Variants in SPECC1 observed in about 807,000 individuals in gnomAD.
SPECC1 encodes the protein sperm antigen with calponin homology and coiled-coil domains 1.
Under a neutral mutation model 104.1 loss-of-function variants are expected in SPECC1, and 62 were observed. That is an observed-to-expected ratio of 0.60 (90% confidence interval 0.49 to 0.74). SPECC1 has a LOEUF of 0.74. SPECC1 is among the 30% of genes least tolerant of loss of function. SPECC1 has a pLI of 0.00. For synonymous variants in SPECC1, 513 were observed against 501.6 expected, an observed-to-expected ratio of 1.02 and a Z score of -0.30; for missense variants, 1,306 against 1,310.5, an observed-to-expected ratio of 1.00 and a Z score of 0.05.
In SPECC1 at chr17:20,318,100, T is replaced by G. The variant is rs1431457797; in HGVS notation, c.*4035T>G. 1 of 231,190 alleles carries G rather than the reference T, an allele frequency of 4.3e-6. No homozygotes were observed. Among genetic ancestry groups the G allele is most frequent in the East Asian group, 6.1e-5 (1 of 16,332 alleles). 14.3% of individuals were successfully genotyped at this position (231,190 alleles called of 1,614,324 possible). A position where few individuals can be genotyped will look rare whatever the true frequency, so the allele number is the denominator to read the frequency against. On this transcript the variant is annotated 3_prime_UTR_variant, in exon 15 of 15. Coordinates refer to ENST00000395527, the MANE Select transcript of SPECC1 (RefSeq NM_001243439.2). ...CACAACAGCCACATTTCTTTCCATC[T>G]TCCCTCAGCCAGTAGTCATTTAAAA...
intron 3 of SPECC1, among the ~76,000 whole-genome samples, chr17:20,177,337 T>C (rs994685453): frequency 9.9e-5 from 15 of 152,190 alleles, no homozygotes; most frequent in Admixed American, 9.8e-4. Context: ...CCAGTGGAGT[T>C]GTTTTGGTGG....
chr17:20,080,737 C>G (rs2046937135), intron 1 of SPECC1, among the ~76,000 whole-genome samples: 1 of 152,212 alleles, frequency 6.6e-6, no homozygotes, highest in Middle Eastern at 3.4e-3. Context: ...CCTGTGCTGC[C>G]TGCGAGCCCT....
intron 2 of SPECC1, among the ~76,000 whole-genome samples, chr17:20,107,144 CAAAAAAA>C (rs531912350): frequency 0.4 from 27,090 of 66,894 alleles, 2,698 homozygotes; most frequent in Middle Eastern, 0.55. Context: ...ACTCGTGTCT[CAAAAAAA>C]AAAAAAAAAA....
intron 2 of SPECC1, among the ~76,000 whole-genome samples, chr17:20,100,727 C>A (rs919491018): frequency 6.6e-6 from 1 of 152,018 alleles, no homozygotes; most frequent in African/African-American, 2.4e-5. Context: ...ATAAATGTGC[C>A]ATGGTGCTTT....
intron 13 of SPECC1, among the ~76,000 whole-genome samples, chr17:20,303,469 C>CT (rs1292992117): frequency 6.6e-6 from 1 of 152,098 alleles, no homozygotes; most frequent in East Asian, 1.9e-4. Flanking sequence ...AATGTGGTGG[C>CT]TACATCTTTC....
At chr17:20,133,566 TTACATA>T (rs1283982393) in intron 3 of SPECC1, among the ~76,000 whole-genome samples, 1 of 152,182 alleles carries the variant, frequency 6.6e-6, no homozygotes, top group East Asian at 1.9e-4. Context: ...ATGTCTAGAT[TTACATA>T]TACATAAATT....
chr17:20,245,905 G>C (rs1438605346), intron 7 of SPECC1, 21 bp from the exon 8 acceptor site: 11 of 1,613,236 alleles, frequency 6.8e-6, no homozygotes, highest in Non-Finnish European at 9.3e-6. Flanking sequence ...TTTTCAATCT[G>C]ATTTGCTCTT....
chr17:20,030,417 A>T (rs992809080), intron 1 of SPECC1, among the ~76,000 whole-genome samples: 1 of 151,744 alleles, frequency 6.6e-6, no homozygotes, highest in Non-Finnish European at 1.5e-5. Context: ...TTATTTTTAA[A>T]TTTTTTAAAA....
rs2036736311 is a variant in SPECC1, at chr17:20,205,757, G to C, written c.1708G>C (p.Ala570Pro). 7 of 1,614,216 alleles carry C rather than the reference G, an allele frequency of 4.3e-6. No individual in the cohort carries two copies. Among genetic ancestry groups the C allele is most frequent in the Non-Finnish European group, 5.9e-6 (7 of 1,180,036 alleles). ...GEKQKATEAS[A>P]VEQTAESCEV... is the part of the protein sequence containing the mutation. ...GAAGCAGAAAGCCACAGAGGCCAGT[G>C]CTGTGGAGCAGACGGCAGAGAGCTG... The change falls in exon 4 of 15, where the codon GCT (alanine) becomes CCT (proline). Residue 570 changes from alanine (A) to proline (P), a missense_variant. Ala to Pro is a conservative substitution (Grantham distance 27). Transcript: ENST00000395527.
rs75231452 is a variant in SPECC1 at position 20,189,828 on chromosome 17, A to G, written c.284-14505A>G. ...GGAGTGTGAGGAAAATTAATTTTGCATTCTTCCCAAAAAAAGTAAAATGGA... is the reference window on the plus strand; with the variant it reads ...GGAGTGTGAGGAAAATTAATTTTGCGTTCTTCCCAAAAAAAGTAAAATGGA... On this transcript the variant is annotated intron_variant, in intron 3 of 14. Transcript: ENST00000395527. Among the ~76,000 whole-genome samples, 10 of 152,298 alleles carry G rather than the reference A, an allele frequency of 6.6e-5. No homozygotes were observed. The East Asian group carries it at 1.5e-3, about 24-fold the overall frequency.
intron 14 of SPECC1, among the ~76,000 whole-genome samples, chr17:20,313,602 A>T (rs567417862): frequency 1.4e-4 from 21 of 152,372 alleles, no homozygotes; most frequent in Non-Finnish European, 2.4e-4. Flanking sequence ...TAGCGCGTGC[A>T]GTGTGCTGGG....
At chr17:20,051,692 T>C (rs1180770350) in intron 1 of SPECC1, among the ~76,000 whole-genome samples, 1 of 152,330 alleles carries the variant, frequency 6.6e-6, no homozygotes, top group South Asian at 2.1e-4. Context: ...GATCTTGCTT[T>C]TATTGAGTTT....
chr17:20,042,699 TG>T (rs1390455212), intron 1 of SPECC1, among the ~76,000 whole-genome samples: 1 of 152,214 alleles, frequency 6.6e-6, no homozygotes, highest in African/African-American at 2.4e-5. Flanking sequence ...GTCTCCTTCC[TG>T]GTCCTTTGGC....
intron 3 of SPECC1, chr17:20,155,834 A>C (rs2032423405): frequency 3.5e-6 from 3 of 845,474 alleles, no homozygotes; most frequent in Middle Eastern, 5.1e-4. Context: ...CGTCCCGCCC[A>C]CGGCGCGGGG....
chr17:20,039,647 C>T (rs533868989), intron 1 of SPECC1, among the ~76,000 whole-genome samples: 6 of 152,164 alleles, frequency 3.9e-5, no homozygotes, highest in East Asian at 1.9e-4. Context: ...CTCTGCTGCC[C>T]GGGTTCAAGC....
intron 4 of SPECC1, among the ~76,000 whole-genome samples, chr17:20,208,669 C>T (rs971260424): frequency 6.6e-5 from 10 of 152,148 alleles, no homozygotes; most frequent in African/African-American, 2.4e-4. Flanking sequence ...AGAAGCGTGA[C>T]GGTGGATGGA....
At chr17:20,239,095 C>T (rs1598063029) in intron 7 of SPECC1, 2 of 1,031,674 alleles carry the variant, frequency 1.9e-6, no homozygotes, top group African/African-American at 3.4e-5. Context: ...AACAAAAGGG[C>T]ATGGAGTAAA....
At chr17:20,311,216 A>T (rs2041922280) in intron 14 of SPECC1, among the ~76,000 whole-genome samples, 1 of 149,838 alleles carries the variant, frequency 6.7e-6, no homozygotes, top group African/African-American at 2.5e-5. Context: ...CTGACCTTGT[A>T]TCCTGAGACT....
At chr17:20,189,390 A>G (rs1000183843) in intron 3 of SPECC1, among the ~76,000 whole-genome samples, 3 of 152,190 alleles carry the variant, frequency 2.0e-5, no homozygotes, top group Non-Finnish European at 2.9e-5. Flanking sequence ...CAGCCACTTC[A>G]GTTTCAATGG....
Sources: allele counts gnomAD v4.1 joint callset (sites outside exome capture counted in the v4.1 genomes callset), GRCh38; gene constraint gnomAD v4.1.1; transcripts MANE v1.5; gene names NCBI Gene and HGNC (gene_info 2026-07-23, HGNC 2026-07-21).